GBP4: variants seen among roughly 807,000 people sequenced by gnomAD.
GBP4 encodes guanylate-binding protein 4.
In GBP4, 69 loss-of-function variants were observed where a neutral mutation model predicts 62.2. The ratio of observed to expected loss-of-function variants is 1.11; its 90% CI spans 0.91 to 1.36. The LOEUF is 1.36. GBP4 is among the 40% of genes most tolerant of loss of function. The pLI is 0.00. For synonymous variants in GBP4, 278 were observed against 274.6 expected (o/e 1.01, Z -0.12); for missense variants, 697 against 759.3 (o/e 0.92, Z 0.96).
At chr1:89,188,857 A>T (rs1318492085) in intron 7 of GBP4, 63 bp from the exon 8 acceptor site, 1 of 1,550,856 alleles carries the variant, frequency 6.4e-7, no homozygotes, top group African/African-American at 1.4e-5. Context: ...TCCAACTGTG[A>T]TCCTCTTGGA....
At chr1:89,195,251 A>T (rs370898761) in intron 3 of GBP4, 46 bp downstream of exon 3, 9 of 1,598,190 alleles carry the variant, frequency 5.6e-6, no homozygotes, top group Non-Finnish European at 7.7e-6. Flanking sequence ...TGAAAAAATT[A>T]AAAGATGAGA....
rs1256121894 is a variant in GBP4 at position 89,198,804 on chromosome 1, G to A, written c.31C>T (p.Pro11Ser). 2.5e-6 allele frequency: 4 copies of A among 1,613,474 alleles called. No individual in the cohort carries two copies. Among genetic ancestry groups the A allele is most frequent in the Non-Finnish European group, 3.4e-6 (4 of 1,179,400 alleles). Reference sequence around the variant, plus strand: ...TTAAGAGCAAACTTACCTGGTGTGGGCACTGCAGCGTGAAGAGTTCTCTCA... The same window carrying A: ...TTAAGAGCAAACTTACCTGGTGTGGACACTGCAGCGTGAAGAGTTCTCTCA... MGERTLHAAVPTPGYPESESI... is the reference protein window; with the variant it reads MGERTLHAAVSTPGYPESESI... The change falls in exon 1 of 11, where the codon CCC becomes TCC. Residue 11 changes from proline to serine, a missense_variant. Around this residue, in one of 2 missense-constraint regions of GBP4, gnomAD observed 556 missense variants for 562.7 expected, o/e 0.99. Transcript: ENST00000355754.
chr1:89,190,753 T>G (rs1188588532), intron 6 of GBP4, among the ~76,000 whole-genome samples: 1 of 151,970 alleles, frequency 6.6e-6, no homozygotes, highest in Non-Finnish European at 1.5e-5. Flanking sequence ...AAGAAATTTT[T>G]ATTTGAAGAC....
chr1:89,187,631 C>A (rs562701645), intron 8 of GBP4, among the ~76,000 whole-genome samples: 50 of 152,016 alleles, frequency 3.3e-4, no homozygotes, highest in African/African-American at 1.1e-3. Context: ...AACTAAATAG[C>A]AAAAATAAAC....
intron 3 of GBP4, among the ~76,000 whole-genome samples, chr1:89,194,991 A>G (rs1440582088): frequency 1.3e-5 from 2 of 152,204 alleles, no homozygotes; most frequent in East Asian, 1.9e-4. Context: ...TGTCTTCACA[A>G]CTAGGCTCTT....
intron 9 of GBP4, 68 bp downstream of exon 9, chr1:89,186,932 G>T: frequency 7.2e-7 from 1 of 1,382,988 alleles, no homozygotes; most frequent in Non-Finnish European, 1.0e-6. Flanking sequence ...ATATCTTTCA[G>T]TGTGATCAGC....
chr1:89,187,065 A>C lies in GBP4; in HGVS notation c.1448T>G (p.Val483Gly), dbSNP rs776589812. Residue 483 changes from valine (V) to glycine (G), a missense_variant, in exon 9 of 11, where the codon GTG (valine) becomes GGG (glycine). Val to Gly is a moderately radical substitution (Grantham distance 109, BLOSUM62 -3). Transcript: ENST00000355754. ...EVLQNFLQSQVVVEESILQSD... is the reference protein window; with the variant it reads ...EVLQNFLQSQGVVEESILQSD... ...CTGCAGGATGGATTCCTCTACAACC[A>C]CCTGTGACTGCAGGAAGTTCTGGAG... 3.1e-6 allele frequency: 5 copies of C among 1,613,942 alleles called. No homozygotes were observed. The highest frequency in any genetic ancestry group is 4.2e-6 in the Non-Finnish European group (5 of 1,179,986).
chr1:89,190,198 G>T lies in GBP4; in HGVS notation c.1037C>A (p.Ala346Asp). The T allele has an allele frequency of 1.2e-6, 2 of 1,614,150 alleles. No homozygotes were observed. Among genetic ancestry groups the T allele is most frequent in the Non-Finnish European group, 1.7e-6 (2 of 1,180,014 alleles). The change falls in exon 7 of 11, where the codon GCC becomes GAC. Residue 346 changes from alanine to aspartate, a missense_variant. Physicochemically the swap from Ala to Asp is moderately radical, Grantham distance 126. This residue lies in a region of GBP4 where 556 missense variants were observed against 562.7 expected (regional missense o/e 0.99). Coordinates refer to ENST00000355754, the MANE Select transcript of GBP4 (RefSeq NM_052941.5). The stretch of plus-strand genomic sequence containing the variant: ...GGCCATCTGCTGGCTATAGTGGTCG[G>T]CTGCCCTCTGCACAGCCGCTGGGTT... ...LENPAAVQRA[A>D]DHYSQQMAQQ...
rs1190196885 is a variant in GBP4, at chr1:89,183,515, CAT to C, written c.*1737_*1738del. The C allele has an allele frequency of 2.0e-5, 3 of 152,180 alleles. No homozygotes were observed. The highest frequency in any genetic ancestry group is 4.4e-5 in the Non-Finnish European group (3 of 68,030). The allele number at this position is 152,180 out of a possible 1,614,324, so 9.4% of individuals were successfully genotyped here. A position where few individuals can be genotyped will look rare whatever the true frequency, so the allele number is the denominator to read the frequency against. On this transcript the variant is annotated 3_prime_UTR_variant, in exon 11 of 11. Coordinates refer to ENST00000355754, the MANE Select transcript of GBP4 (RefSeq NM_052941.5). ...GGCTAAAATTTCATGATGAAGATAA[CAT>C]AAGCAATTGCAGCAAAAACAAAAAC...
chr1:89,190,028 C>G lies in GBP4; in HGVS notation c.1197+10G>C, dbSNP rs749330638. The G allele has an allele frequency of 1.2e-6, 2 of 1,600,104 alleles. No individual in the cohort carries two copies. The highest frequency in any genetic ancestry group is 8.5e-7 in the Non-Finnish European group (1 of 1,171,330). On this transcript the variant is annotated intron_variant, in intron 7 of 10. Transcript: ENST00000355754. ...GGGCAGAAATCAGGAAGGATAAATG[C>G]TAAAAGTACCACAAGCTTCTTCTGG...
Position 89,198,917 on chromosome 1 carries a change from A to G in GBP4, c.-83T>C. The G allele has an allele frequency of 7.7e-7, 1 of 1,306,510 alleles. No individual in the cohort carries two copies. The highest frequency in any genetic ancestry group is 1.1e-6 in the Non-Finnish European group (1 of 899,418). 80.9% of individuals were successfully genotyped at this position (1,306,510 alleles called of 1,614,324 possible). ...GTCCAGCCGGATTTACAGACATCCA[A>G]GTAAGAGTCTGTGAGAACCGAAATT... On this transcript the variant is annotated 5_prime_UTR_variant, in exon 1 of 11. Coordinates refer to ENST00000355754, the MANE Select transcript of GBP4 (RefSeq NM_052941.5).
intron 8 of GBP4, among the ~76,000 whole-genome samples, chr1:89,188,154 AATC>A (rs1648085792): frequency 1.0e-5 from 1 of 95,242 alleles, no homozygotes; most frequent in African/African-American, 4.6e-5. Context: ...ATAGGAAGTG[AATC>A]ATCAAGATCA....
rs55924552 is a variant in GBP4, at chr1:89,198,602, G to T, written c.40+193C>A. On this transcript the variant is annotated intron_variant, in intron 1 of 10. Coordinates refer to ENST00000355754, the MANE Select transcript of GBP4 (RefSeq NM_052941.5). ...CGCCGCCTGTGGACCGTCTAGAGAC[G>T]CTGGGCCACACGGAGCAAAGCACTC... is the stretch of plus-strand genomic sequence containing the variant. 2,319 of 602,770 alleles carry T rather than the reference G, an allele frequency of 3.8e-3. 55 individuals carry two copies. Among genetic ancestry groups the T allele is most frequent in the African/African-American group, 0.038 (2,074 of 54,230 alleles). 37.3% of individuals were successfully genotyped at this position (602,770 alleles called of 1,614,324 possible). A position where few individuals can be genotyped will look rare whatever the true frequency, so the allele number is the denominator to read the frequency against.
chr1:89,188,108 T>C (rs1375648598), intron 8 of GBP4, among the ~76,000 whole-genome samples: 1 of 152,138 alleles, frequency 6.6e-6, no homozygotes, highest in Non-Finnish European at 1.5e-5. Context: ...ATTCCGAGAA[T>C]CAAACTGATA....
rs1142890 is a variant in GBP4, at chr1:89,186,404, C to T, written c.1636G>A (p.Glu546Lys). Residue 546 changes from glutamate (E) to lysine (K), a missense_variant, in exon 10 of 11, where the codon GAG becomes AAG. This residue lies in a region of GBP4 where 141 missense variants were observed against 196.6 expected (regional missense o/e 0.72). Coordinates refer to ENST00000355754, the MANE Select transcript of GBP4 (RefSeq NM_052941.5). Reference sequence around the variant, plus strand: ...TCCCTTTCCTCCTCCAACTTCTTCTCCATTTGGGCCATGTATTCCTGGAAG... The same window carrying T: ...TCCCTTTCCTCCTCCAACTTCTTCTTCATTTGGGCCATGTATTCCTGGAAG... ...RSFQEYMAQM[E>K]KKLEEERENL... is the part of the protein sequence containing the mutation. 0.41 allele frequency: 485,029 copies of T among 1,174,152 alleles called. 133,226 individuals carry two copies. Among genetic ancestry groups the T allele is most frequent in the South Asian group, 0.46 (34,665 of 74,704 alleles). The allele number at this position is 1,174,152 out of a possible 1,614,324, so 72.7% of individuals were successfully genotyped here. A position where few individuals can be genotyped will look rare whatever the true frequency, so the allele number is the denominator to read the frequency against.
intron 2 of GBP4, among the ~76,000 whole-genome samples, chr1:89,196,760 G>C (rs758031662): frequency 6.6e-6 from 1 of 152,170 alleles, no homozygotes; most frequent in Non-Finnish European, 1.5e-5. Context: ...TTTTAAAACA[G>C]GATCTATTAA....
In GBP4 at chr1:89,197,314, A is replaced by G; in HGVS notation, c.41-10T>C. 1 of 1,609,482 alleles carries G rather than the reference A, an allele frequency of 6.2e-7. No homozygotes were observed. Among genetic ancestry groups the G allele is most frequent in the Non-Finnish European group, 8.5e-7 (1 of 1,177,256 alleles). On this transcript the variant is annotated splice_polypyrimidine_tract_variant and intron_variant, in intron 1 of 10. Transcript: ENST00000355754. The stretch of plus-strand genomic sequence containing the variant: ...TCAGATTCTGGATAACCTGTAACCC[A>G]GAAAAAAATACTCAGTAGAATACAA...
At chr1:89,198,027 G>T (rs868214430) in intron 1 of GBP4, among the ~76,000 whole-genome samples, 2 of 152,192 alleles carry the variant, frequency 1.3e-5, no homozygotes, top group Non-Finnish European at 1.5e-5. Context: ...AGGTTGGGGG[G>T]AGGGGTCTAG....
rs1353270534 is a variant in GBP4 at position 89,191,309 on chromosome 1, G to T, written c.868C>A (p.His290Asn). The T allele has an allele frequency of 1.2e-6, 2 of 1,614,128 alleles. No homozygotes were observed. The highest frequency in any genetic ancestry group is 1.7e-6 in the Non-Finnish European group (2 of 1,179,982). The change falls in exon 6 of 11, where the codon CAT becomes AAT. Residue 290 changes from histidine to asparagine, a missense_variant. Physicochemically the swap from His to Asn is moderately conservative, Grantham distance 68. Around this residue, in one of 2 missense-constraint regions of GBP4, gnomAD observed 556 missense variants for 562.7 expected, o/e 0.99. Coordinates refer to ENST00000355754, the MANE Select transcript of GBP4 (RefSeq NM_052941.5). ...TCTCTCAGGGTCTTGGTCTTTGCAT[G>T]GGTGAAGATATAAGAACAGAAGTTG... ...SDNFCSYIFT[H>N]AKTKTLREGI...
Sources: gnomAD v4.1 joint callset for allele counts (sites outside exome capture counted in the v4.1 genomes callset) on GRCh38, gnomAD v4.1.1 for gene constraint, gnomAD v4.1.1 regional missense constraint, MANE v1.5 for transcripts, NCBI Gene and HGNC (gene_info 2026-07-23, HGNC 2026-07-21) for gene names.